HPSE2: variants seen among roughly 807,000 people sequenced by gnomAD.
HPSE2 encodes the protein inactive heparanase-2.
In HPSE2, 38 loss-of-function variants were observed where a neutral mutation model predicts 60.5. That is an observed-to-expected ratio of 0.63 (90% CI 0.48 to 0.82). HPSE2 has a LOEUF of 0.82. Ranked by LOEUF, HPSE2 falls within the 40% of genes least tolerant of loss-of-function variation. HPSE2 has a pLI of 0.00. For synonymous variants in HPSE2, 295 were observed against 293.2 expected, an observed-to-expected ratio of 1.01 and a Z score of -0.06; for missense variants, 713 against 740.4, an observed-to-expected ratio of 0.96 and a Z score of 0.43.
At chr10:99,197,042 A>C (rs1848423054) in intron 2 of HPSE2, among the ~76,000 whole-genome samples, 1 of 152,226 alleles carries the variant, frequency 6.6e-6, no homozygotes, top group African/African-American at 2.4e-5. Flanking sequence ...ATTCAGCCAT[A>C]AAAAGGAATG....
chr10:98,611,029 C>T (rs902552560), intron 9 of HPSE2, among the ~76,000 whole-genome samples: 1 of 151,620 alleles, frequency 6.6e-6, no homozygotes, highest in Non-Finnish European at 1.5e-5. Flanking sequence ...CGCCTACTCC[C>T]AAGGGAGCCC....
chr10:99,291,588 A>G, the HPSE2 span, among the ~76,000 whole-genome samples: 1 of 151,736 alleles, frequency 6.6e-6, no homozygotes, highest in African/African-American at 2.4e-5. Context: ...ATCTGAAAAA[A>G]AAAAAAAAAA....
the HPSE2 span, among the ~76,000 whole-genome samples, chr10:99,264,395 C>A: frequency 6.6e-6 from 1 of 152,136 alleles, no homozygotes; most frequent in East Asian, 1.9e-4. Flanking sequence ...CCTCTCCTAG[C>A]AGTTTCTAAT....
At chr10:98,755,286 C>T (rs1210228686) in intron 3 of HPSE2, among the ~76,000 whole-genome samples, 1 of 152,084 alleles carries the variant, frequency 6.6e-6, no homozygotes, top group Non-Finnish European at 1.5e-5. Context: ...AAAGGCATTA[C>T]ATAATGAAAA....
At chr10:99,242,456 G>A in the HPSE2 span, among the ~76,000 whole-genome samples, 1 of 152,138 alleles carries the variant, frequency 6.6e-6, no homozygotes, top group South Asian at 2.1e-4. Context: ...AAATGTGATT[G>A]ACTCTAATAA....
chr10:98,633,820 T>C (rs986613858), intron 7 of HPSE2, among the ~76,000 whole-genome samples: 3 of 152,198 alleles, frequency 2.0e-5, no homozygotes, highest in Non-Finnish European at 4.4e-5. Flanking sequence ...CATCAAAACC[T>C]GCTCTTGGGA....
intron 3 of HPSE2, among the ~76,000 whole-genome samples, chr10:98,782,923 TTTA>T (rs1344083199): frequency 4.9e-5 from 2 of 40,860 alleles, no homozygotes; most frequent in Non-Finnish European, 1.0e-4. Context: ...TTTTTTTTTT[TTTA>T]TTTTTTTTTT....
At chr10:99,050,777 C>T (rs1444784636) in intron 3 of HPSE2, among the ~76,000 whole-genome samples, 1 of 152,140 alleles carries the variant, frequency 6.6e-6, no homozygotes, top group African/African-American at 2.4e-5. Flanking sequence ...ACAAATTCCA[C>T]ATGAAATCTA....
intron 3 of HPSE2, among the ~76,000 whole-genome samples, chr10:99,095,127 A>G (rs1360161425): frequency 1.3e-5 from 2 of 152,082 alleles, no homozygotes; most frequent in African/African-American, 4.8e-5. Context: ...TCAAGGCTGC[A>G]GTGAGCTATG....
chr10:99,190,328 T>A (rs1367925877), intron 2 of HPSE2, among the ~76,000 whole-genome samples: 1 of 152,250 alleles, frequency 6.6e-6, no homozygotes, highest in Non-Finnish European at 1.5e-5. Flanking sequence ...AATCTCTTTG[T>A]TCCTTAGTTT....
intron 3 of HPSE2, among the ~76,000 whole-genome samples, chr10:99,143,855 A>G (rs2135778074): frequency 6.6e-6 from 1 of 152,174 alleles, no homozygotes; most frequent in East Asian, 1.9e-4. Context: ...CTGCCTGAAG[A>G]CCATTATCTC....
At chr10:98,590,385 C>A (rs558390601) in intron 9 of HPSE2, among the ~76,000 whole-genome samples, 38 of 152,276 alleles carry the variant, frequency 2.5e-4, no homozygotes, top group Non-Finnish European at 3.7e-4. Flanking sequence ...GAGCTTGCAC[C>A]GGAGCCAAGA....
chr10:98,603,707 T>C lies in HPSE2; in HGVS notation c.1320+11197A>G, dbSNP rs1223022803. ...CCTCCCAAAGTGCTGGGATTACAGG[T>C]GTGAGCCACCGTGCCTGGCCTCTGT... On this transcript the variant is annotated intron_variant, in intron 9 of 11. Coordinates refer to ENST00000370552, the MANE Select transcript of HPSE2 (RefSeq NM_021828.5). Among the ~76,000 whole-genome samples, 10 of 152,182 alleles carry C rather than the reference T, an allele frequency of 6.6e-5. No homozygotes were observed. The South Asian group carries it at 1.0e-3, about 16-fold the overall frequency.
chr10:98,986,002 G>C (rs189383976), intron 3 of HPSE2, among the ~76,000 whole-genome samples: 2 of 152,262 alleles, frequency 1.3e-5, no homozygotes, highest in South Asian at 2.1e-4. Context: ...CAAGTCCTTA[G>C]AGACCTACAA....
At chr10:98,824,585 A>G (rs1400124282) in intron 3 of HPSE2, among the ~76,000 whole-genome samples, 1 of 152,176 alleles carries the variant, frequency 6.6e-6, no homozygotes, top group Middle Eastern at 3.2e-3. Context: ...TGCCTTCAGA[A>G]ATGCATCTCA....
intron 3 of HPSE2, among the ~76,000 whole-genome samples, chr10:98,788,995 AC>A (rs1381236039): frequency 6.7e-6 from 1 of 150,218 alleles, no homozygotes; most frequent in Non-Finnish European, 1.5e-5. Context: ...TATCCTTCTC[AC>A]TTTTTTTTTC....
At chr10:98,672,640 C>A (rs746943226) in intron 6 of HPSE2, among the ~76,000 whole-genome samples, 2 of 152,170 alleles carry the variant, frequency 1.3e-5, no homozygotes, top group Non-Finnish European at 2.9e-5. Context: ...CTAAGGAGAA[C>A]AAACGTCTAT....
intron 3 of HPSE2, among the ~76,000 whole-genome samples, chr10:98,882,631 A>G (rs908141123): frequency 6.6e-6 from 1 of 152,100 alleles, no homozygotes; most frequent in East Asian, 1.9e-4. Context: ...CTAACATTCC[A>G]TTGGGTAGAG....
At chr10:99,267,918 G>A in the HPSE2 span, among the ~76,000 whole-genome samples, 1 of 152,104 alleles carries the variant, frequency 6.6e-6, no homozygotes, top group African/African-American at 2.4e-5. Flanking sequence ...CCTTGCTAGA[G>A]ACCTAAACAC....
Sources: allele counts gnomAD v4.1 joint callset (sites outside exome capture counted in the v4.1 genomes callset), GRCh38; gene constraint gnomAD v4.1.1; transcripts MANE v1.5; gene names NCBI Gene and HGNC (gene_info 2026-07-23, HGNC 2026-07-21).